Variants in XKR4 observed in about 807,000 individuals in gnomAD.
XKR4 encodes the protein XK-related protein 4.
XKR4 carries 12 observed loss-of-function variants against 53.9 expected under a neutral mutation model. That is an observed-to-expected ratio of 0.22 (90% confidence interval 0.14 to 0.36). XKR4 has a LOEUF of 0.36. Ranked by LOEUF, XKR4 falls within the 10% of genes least tolerant of loss-of-function variation. The pLI, the probability that XKR4 is intolerant of heterozygous loss-of-function variation, is 1.00. For synonymous variants in XKR4, 354 were observed against 362.4 expected (o/e 0.98, Z 0.26); for missense variants, 799 against 859.5 (o/e 0.93, Z 0.88).
At chr8:55,294,544 A>C (rs1057138462) in intron 1 of XKR4, among the ~76,000 whole-genome samples, 1 of 152,208 alleles carries the variant, frequency 6.6e-6, no homozygotes, top group Non-Finnish European at 1.5e-5. Flanking sequence ...CTGGAACGTT[A>C]ATAGACAACA....
rs573121351 is a variant in XKR4, at chr8:55,417,806, C to G, written c.1006+59929C>G. On this transcript the variant is annotated intron_variant, in intron 2 of 2. Coordinates refer to ENST00000327381, the MANE Select transcript of XKR4 (RefSeq NM_052898.2). ...AGAAAAAGTACAGCACTCTGGGGACCTAGTATGATCTAGTTGGGGAGATCA... is the reference window on the plus strand; with the variant it reads ...AGAAAAAGTACAGCACTCTGGGGACGTAGTATGATCTAGTTGGGGAGATCA... Among the ~76,000 whole-genome samples, 4 of 152,224 alleles carry G rather than the reference C, an allele frequency of 2.6e-5. No individual in the cohort carries two copies. In the East Asian group the frequency reaches 5.8e-4, roughly 22 times the overall value.
At chr8:55,137,101 G>A (rs1481533131) in intron 1 of XKR4, among the ~76,000 whole-genome samples, 1 of 152,126 alleles carries the variant, frequency 6.6e-6, no homozygotes, top group Non-Finnish European at 1.5e-5. Context: ...TATAGTGTAA[G>A]CATTTTATGT....
chr8:55,132,415 C>A (rs1002199013), intron 1 of XKR4, among the ~76,000 whole-genome samples: 1 of 152,048 alleles, frequency 6.6e-6, no homozygotes, highest in Non-Finnish European at 1.5e-5. Flanking sequence ...TATGTACATA[C>A]CTATGATAAA....
At chr8:55,312,559 C>G (rs10504187) in intron 1 of XKR4, among the ~76,000 whole-genome samples, 8,604 of 152,158 alleles carry the variant, frequency 0.057, 332 homozygotes, top group Admixed American at 0.12. Flanking sequence ...TCTAAATAGT[C>G]AAAACTGCAG....
At chr8:55,430,289 G>A (rs1480869570) in intron 2 of XKR4, among the ~76,000 whole-genome samples, 1 of 152,134 alleles carries the variant, frequency 6.6e-6, no homozygotes, top group Non-Finnish European at 1.5e-5. Flanking sequence ...CCAAGCCATT[G>A]CACTCCTGGA....
At chr8:55,161,748 A>G in intron 1 of XKR4, 1 of 389,300 alleles carries the variant, frequency 2.6e-6, no homozygotes, top group Non-Finnish European at 5.1e-6. Context: ...TACTGCACAT[A>G]CATTCATCAC....
At chr8:55,510,323 A>G (rs1806608317) in intron 2 of XKR4, among the ~76,000 whole-genome samples, 1 of 152,182 alleles carries the variant, frequency 6.6e-6, no homozygotes, top group African/African-American at 2.4e-5. Flanking sequence ...CAGAAGGTGG[A>G]CGAGAAGCGG....
At chr8:55,412,519 C>G (rs774707828) in intron 2 of XKR4, among the ~76,000 whole-genome samples, 3 of 152,150 alleles carry the variant, frequency 2.0e-5, no homozygotes, top group Admixed American at 6.5e-5. Flanking sequence ...CATTTGCACC[C>G]GGCGCTGCGG....
chr8:55,487,921 T>A (rs1163527868), intron 2 of XKR4, among the ~76,000 whole-genome samples: 1 of 152,198 alleles, frequency 6.6e-6, no homozygotes, highest in Non-Finnish European at 1.5e-5. Flanking sequence ...GATGCCACCA[T>A]CCCAAATACA....
At chr8:55,384,095 CTA>C (rs1804273971) in intron 2 of XKR4, among the ~76,000 whole-genome samples, 1 of 152,134 alleles carries the variant, frequency 6.6e-6, no homozygotes, top group Non-Finnish European at 1.5e-5. Flanking sequence ...AAGGGAGACA[CTA>C]GAGGTGAGGA....
At chr8:55,512,558 T>A (rs540985413) in intron 2 of XKR4, among the ~76,000 whole-genome samples, 1 of 152,332 alleles carries the variant, frequency 6.6e-6, no homozygotes, top group East Asian at 1.9e-4. Context: ...TGTAAATATG[T>A]ATGTTGCAAA....
In XKR4 at chr8:55,394,226, T is replaced by A. The variant is rs573837459; in HGVS notation, c.1006+36349T>A. On this transcript the variant is annotated intron_variant, in intron 2 of 2. Transcript: ENST00000327381. Reference sequence around the variant, plus strand: ...TTCAGTCTCTCTTGGATATTAGTTATGCGCTATCGATATAAGAATGAAGAT... The same window carrying A: ...TTCAGTCTCTCTTGGATATTAGTTAAGCGCTATCGATATAAGAATGAAGAT... 2.6e-5 allele frequency among the ~76,000 whole-genome samples: 4 copies of A among 152,174 alleles called. No homozygotes were observed. The South Asian group carries it at 8.3e-4, about 32-fold the overall frequency.
chr8:55,260,258 C>T (rs1262907172), intron 1 of XKR4, among the ~76,000 whole-genome samples: 1 of 152,190 alleles, frequency 6.6e-6, no homozygotes, highest in Non-Finnish European at 1.5e-5. Context: ...AGTTGAACTA[C>T]CTCCCCTTTT....
chr8:55,311,195 G>A (rs1819383078), intron 1 of XKR4, among the ~76,000 whole-genome samples: 1 of 152,214 alleles, frequency 6.6e-6, no homozygotes, highest in Non-Finnish European at 1.5e-5. Flanking sequence ...AAAACCAGCA[G>A]AGCAATGACA....
At chr8:55,283,124 T>C (rs1206917982) in intron 1 of XKR4, among the ~76,000 whole-genome samples, 2 of 152,206 alleles carry the variant, frequency 1.3e-5, no homozygotes, top group Non-Finnish European at 2.9e-5. Context: ...TATCTAGTTT[T>C]GCATAAGTAC....
intron 2 of XKR4, among the ~76,000 whole-genome samples, chr8:55,475,885 G>A (rs1356889596): frequency 5.9e-5 from 9 of 151,906 alleles, no homozygotes. Context: ...ACAGGCATGA[G>A]CCACCACACC....
At chr8:55,302,957 C>T (rs1180261077) in intron 1 of XKR4, among the ~76,000 whole-genome samples, 1 of 152,222 alleles carries the variant, frequency 6.6e-6, no homozygotes, top group Non-Finnish European at 1.5e-5. Context: ...GACAATTTGA[C>T]TTCCTCTTTT....
intron 1 of XKR4, among the ~76,000 whole-genome samples, chr8:55,207,698 G>A (rs940142361): frequency 7.6e-6 from 1 of 131,244 alleles, no homozygotes; most frequent in Admixed American, 8.0e-5. Flanking sequence ...TAGTAAATGG[G>A]ACACCAATCC....
At chr8:55,213,122 C>T (rs1034005637) in intron 1 of XKR4, among the ~76,000 whole-genome samples, 3 of 152,212 alleles carry the variant, frequency 2.0e-5, no homozygotes, top group Admixed American at 6.5e-5. Context: ...GAATGCCTAA[C>T]TTTCTGAGAA....
Sources: gnomAD v4.1 joint callset for allele counts (sites outside exome capture counted in the v4.1 genomes callset) on GRCh38, gnomAD v4.1.1 for gene constraint, MANE v1.5 for transcripts, NCBI Gene and HGNC (gene_info 2026-07-23, HGNC 2026-07-21) for gene names.